Variants in PPP1R21 observed in about 807,000 individuals in gnomAD.
The protein encoded by PPP1R21 is protein phosphatase 1 regulatory subunit 21, also known as KLRAQ motif containing 1.
PPP1R21 carries 85 observed loss-of-function variants against 112.8 expected under a neutral mutation model. The observed-to-expected ratio is 0.75, with a 90% CI of 0.63 to 0.90. The LOEUF (loss-of-function observed/expected upper bound fraction) is 0.90, where lower values mean the gene tolerates loss of function less well. Ranked by LOEUF, PPP1R21 falls within the 40% of genes least tolerant of loss-of-function variation. The pLI is 0.00. For synonymous variants in PPP1R21, 381 were observed against 322.3 expected, an observed-to-expected ratio of 1.18 and a Z score of -1.95; for missense variants, 1,199 against 901.5, an observed-to-expected ratio of 1.33 and a Z score of -4.23.
chr2:48,472,065 C>T (rs1374294815), intron 11 of PPP1R21, among the ~76,000 whole-genome samples: 1 of 151,206 alleles, frequency 6.6e-6, no homozygotes, highest in Non-Finnish European at 1.5e-5. Flanking sequence ...CTTGGTGAAA[C>T]CCCGCCTCTT....
In PPP1R21 at chr2:48,472,557, C is replaced by T. The variant is rs190400102; in HGVS notation, c.1088+1190C>T. 1.1e-3 allele frequency among the ~76,000 whole-genome samples: 163 copies of T among 151,206 alleles called. 1 individual carries two copies. The highest frequency in any genetic ancestry group is 1.3e-3 in the Non-Finnish European group (90 of 67,908). ...AGGAGAATCACTTGAACCTGGGAGG[C>T]GGAGGTTGCAGTGAGCCAAGGTCAC... On this transcript the variant is annotated intron_variant, in intron 11 of 21. Transcript: ENST00000294952.
intron 14 of PPP1R21, among the ~76,000 whole-genome samples, chr2:48,489,741 C>G (rs572536224): frequency 4.8e-4 from 73 of 152,054 alleles, no homozygotes; most frequent in African/African-American, 1.7e-3. Flanking sequence ...GAAACCCTGT[C>G]TCTACTAAAC....
chr2:48,498,380 T>C, intron 16 of PPP1R21, 113 bp from the exon 17 acceptor site: 1 of 969,606 alleles, frequency 1.0e-6, no homozygotes, highest in Non-Finnish European at 1.5e-6. Context: ...ACTTTATTAT[T>C]ATATTTTTAC....
At chr2:48,510,621 T>C (rs1670597225) in intron 20 of PPP1R21, among the ~76,000 whole-genome samples, 1 of 152,226 alleles carries the variant, frequency 6.6e-6, no homozygotes, top group Non-Finnish European at 1.5e-5. Flanking sequence ...TTGCTTTAGA[T>C]TCATTTATCA....
chr2:48,468,502 A>T (rs148872489), intron 9 of PPP1R21, among the ~76,000 whole-genome samples: 115 of 152,296 alleles, frequency 7.6e-4, no homozygotes, highest in Middle Eastern at 6.8e-3. Flanking sequence ...TTTCTTTTAT[A>T]CTTCCTGTAA....
chr2:48,450,357 A>G (rs1038023489), intron 1 of PPP1R21, among the ~76,000 whole-genome samples: 17 of 152,216 alleles, frequency 1.1e-4, no homozygotes, highest in African/African-American at 4.1e-4. Flanking sequence ...GGATTAGATG[A>G]AGTAATACAT....
chr2:48,475,736 A>C (rs1003972850), intron 12 of PPP1R21, among the ~76,000 whole-genome samples: 5 of 152,066 alleles, frequency 3.3e-5, no homozygotes, highest in South Asian at 2.1e-4. Flanking sequence ...AATCCCAGCT[A>C]CTCGGGAGGC....
Position 48,450,996 on chromosome 2 carries a change from C to G in PPP1R21, c.58-12C>G, listed in dbSNP as rs761992027. ...TATATTAGAAATTGATTATTGCTTT[C>G]TCTGTTTTCAGCTTCGGGCTCAGAA... On this transcript the variant is annotated splice_polypyrimidine_tract_variant and intron_variant, in intron 1 of 21. Coordinates refer to ENST00000294952, the MANE Select transcript of PPP1R21 (RefSeq NM_001135629.3). The G allele has an allele frequency of 2.5e-6, 4 of 1,611,854 alleles. No homozygotes were observed. The highest frequency in any genetic ancestry group is 3.4e-6 in the Non-Finnish European group (4 of 1,178,134).
chr2:48,502,158 A>G (rs2103647382), intron 17 of PPP1R21: 1 of 152,300 alleles, frequency 6.6e-6, no homozygotes, highest in South Asian at 2.1e-4. Context: ...GACACGAAAA[A>G]TCTTTAGTAC....
rs759441810 is a variant in PPP1R21 at position 48,491,051 on chromosome 2, T to C, written c.1480T>C (p.Phe494Leu). 1 of 1,614,032 alleles carries C rather than the reference T, an allele frequency of 6.2e-7. No homozygotes were observed. Among genetic ancestry groups the C allele is most frequent in the Non-Finnish European group, 8.5e-7 (1 of 1,179,974 alleles). The change falls in exon 15 of 22, where the codon TTC (phenylalanine) becomes CTC (leucine). Residue 494 changes from phenylalanine to leucine, a missense_variant. Transcript: ENST00000294952. ...CTTCTTCAGCAACAATTTGGACTAC[T>C]TCATTGCTTCACTGAGCTATGGACC... ...ASFFSNNLDY[F>L]IASLSYGPKA...
At chr2:48,474,572 T>A in intron 11 of PPP1R21, 111 bp from the exon 12 acceptor site, 3 of 971,584 alleles carry the variant, frequency 3.1e-6, no homozygotes, top group East Asian at 4.9e-5. Context: ...CAAATTCTTT[T>A]TTCTGCAATA....
chr2:48,460,224 G>C (rs2103798893), intron 6 of PPP1R21, 71 bp downstream of exon 6: 10 of 1,446,502 alleles, frequency 6.9e-6, no homozygotes, highest in Non-Finnish European at 9.7e-6. Context: ...GGTTGTAGCA[G>C]CTCCTCTGTT....
chr2:48,477,044 C>T (rs1027370700), intron 12 of PPP1R21, among the ~76,000 whole-genome samples: 1 of 151,476 alleles, frequency 6.6e-6, no homozygotes, highest in African/African-American at 2.4e-5. Flanking sequence ...AAGACTTACC[C>T]TGTGTTTTCT....
chr2:48,462,691 C>T (rs750152832), intron 7 of PPP1R21, among the ~76,000 whole-genome samples: 4 of 152,140 alleles, frequency 2.6e-5, no homozygotes, highest in African/African-American at 4.8e-5. Context: ...GTGTTCTGGT[C>T]TAAGGACTGG....
In PPP1R21 at chr2:48,474,014, A is replaced by G. The variant is rs1385482345; in HGVS notation, c.1089-669A>G. Among the ~76,000 whole-genome samples the G allele has an allele frequency of 2.6e-5, 4 of 152,152 alleles. No individual in the cohort carries two copies. The South Asian group carries it at 8.3e-4, about 32-fold the overall frequency. ...TGTTAATAATACCAGTTCCTGTTTA[A>G]TTCATTTTCTTTAGGAATTTAGTCT... On this transcript the variant is annotated intron_variant, in intron 11 of 21. Coordinates refer to ENST00000294952, the MANE Select transcript of PPP1R21 (RefSeq NM_001135629.3).
intron 2 of PPP1R21, among the ~76,000 whole-genome samples, chr2:48,451,825 C>A (rs1300295138): frequency 6.6e-6 from 1 of 152,202 alleles, no homozygotes; most frequent in African/African-American, 2.4e-5. Flanking sequence ...CCTCTTACTT[C>A]TGTCTCTTTT....
At chr2:48,454,389 T>C (rs1163303565) in intron 2 of PPP1R21, among the ~76,000 whole-genome samples, 1 of 152,256 alleles carries the variant, frequency 6.6e-6, no homozygotes, top group Non-Finnish European at 1.5e-5. Flanking sequence ...TAGTTGCTCT[T>C]ATTTTTATAT....
intron 17 of PPP1R21, among the ~76,000 whole-genome samples, chr2:48,499,835 T>C (rs919069607): frequency 6.6e-6 from 1 of 152,238 alleles, no homozygotes; most frequent in African/African-American, 2.4e-5. Flanking sequence ...AAAAATGTTT[T>C]CTAATTACAC....
intron 9 of PPP1R21, 69 bp from the exon 10 acceptor site, chr2:48,471,018 C>T (rs1668473147): frequency 9.5e-7 from 1 of 1,058,170 alleles, no homozygotes; most frequent in Non-Finnish European, 1.4e-6. Context: ...TTGGTGGGTC[C>T]ATTTAGAAAT....
Sources: gnomAD v4.1 joint callset for allele counts (sites outside exome capture counted in the v4.1 genomes callset) on GRCh38, gnomAD v4.1.1 for gene constraint, MANE v1.5 for transcripts, NCBI Gene and HGNC (gene_info 2026-07-23, HGNC 2026-07-21) for gene names.